The following VWA3A variants were observed in gnomAD, a reference collection of about 807,000 sequenced individuals.
The protein encoded by VWA3A is von Willebrand factor A domain-containing protein 3A.
VWA3A carries 134 observed loss-of-function variants against 160.4 expected under a neutral mutation model. The ratio of observed to expected loss-of-function variants is 0.84; its 90% CI spans 0.73 to 0.96. The LOEUF (loss-of-function observed/expected upper bound fraction) is 0.96, where lower values mean the gene tolerates loss of function less well. VWA3A is among the 40% of genes least tolerant of loss of function. The probability of loss-of-function intolerance (pLI) is 0.00; values close to 1 mark genes in which losing one functional copy is unlikely to be tolerated. For missense variants in VWA3A, 1,310 were observed against 1,447.9 expected, an observed-to-expected ratio of 0.90 and a Z score of 1.55; for synonymous variants, 476 against 543.4, an observed-to-expected ratio of 0.88 and a Z score of 1.72.
At chr16:22,117,690 C>T (rs550061097) in intron 11 of VWA3A, among the ~76,000 whole-genome samples, 11 of 152,326 alleles carry the variant, frequency 7.2e-5, no homozygotes, top group African/African-American at 1.7e-4. Context: ...AGGGAGGCAA[C>T]GATTAGCAAA....
chr16:22,149,726 G>C, intron 28 of VWA3A, 61 bp from the exon 29 acceptor site: 2 of 1,531,020 alleles, frequency 1.3e-6, no homozygotes, highest in Non-Finnish European at 1.8e-6. Context: ...AGACAGGCCT[G>C]TTCTAACCAA....
chr16:22,103,537 G>A lies in VWA3A; in HGVS notation c.483+8G>A, dbSNP rs2045439871. 2 of 1,551,588 alleles carry A rather than the reference G, an allele frequency of 1.3e-6. No homozygotes were observed. The highest frequency in any genetic ancestry group is 4.9e-5 in the East Asian group (2 of 40,918). Reference sequence around the variant, plus strand: ...ACAGAAAACAGCAAGAAGGTAACGGGCATAGATTTCATTCTTTGCCCCCTT... The same window carrying A: ...ACAGAAAACAGCAAGAAGGTAACGGACATAGATTTCATTCTTTGCCCCCTT... On this transcript the variant is annotated splice_region_variant and intron_variant, in intron 6 of 33. Transcript: ENST00000389398.
chr16:22,141,439 AC>A lies in VWA3A; in HGVS notation c.2384-142del, dbSNP rs2141995126. The A allele has an allele frequency of 1.1e-5, 8 of 710,404 alleles. No homozygotes were observed. In the South Asian group the frequency reaches 1.4e-4, roughly 12 times the overall value. 44.0% of individuals were successfully genotyped at this position (710,404 alleles called of 1,614,324 possible). On this transcript the variant is annotated intron_variant, in intron 23 of 33. Transcript: ENST00000389398. ...AAAGCCAGAGACCTGGCGGGGGAGGACACAGGGTGCCTTGAAGCCATCTTGG... is the reference window on the plus strand; with the variant it reads ...AAAGCCAGAGACCTGGCGGGGGAGGAACAGGGTGCCTTGAAGCCATCTTGG...
chr16:22,126,144 C>T (rs772899138), intron 16 of VWA3A, 34 bp from the exon 17 acceptor site: 28 of 1,610,884 alleles, frequency 1.7e-5, no homozygotes, highest in African/African-American at 8.0e-5. Context: ...CTCAGAGATT[C>T]GGTTCTCCTC....
At position 22,121,089 on chromosome 16, in the gene VWA3A, T is replaced by A; in HGVS notation, c.1238T>A (p.Val413Asp). 1.2e-6 allele frequency: 2 copies of A among 1,613,794 alleles called. No homozygotes were observed. The highest frequency in any genetic ancestry group is 1.7e-5 in the Admixed American group (1 of 60,012). Residue 413 changes from valine to aspartate, a missense_variant, in exon 13 of 34, where the codon GTC (valine) becomes GAC (aspartate). By Grantham distance (152) the Val-to-Asp change is radical (BLOSUM62 -3). Coordinates refer to ENST00000389398, the MANE Select transcript of VWA3A (RefSeq NM_173615.5). ...LDKTSAEWLK[V>D]NGLKAKKLSL... is the part of the protein sequence containing the mutation. The stretch of plus-strand genomic sequence containing the variant: ...AAGACTTCTGCAGAGTGGCTTAAGG[T>A]CAATGGTCTGAAAGGTAAATCTCCA...
chr16:22,126,417 C>T lies in VWA3A; in HGVS notation c.1652+120C>T, dbSNP rs573881870. The T allele has an allele frequency of 2.8e-5, 38 of 1,367,446 alleles. No individual in the cohort carries two copies. In the African/African-American group the frequency reaches 5.0e-4, roughly 18 times the overall value. 84.7% of individuals were successfully genotyped at this position (1,367,446 alleles called of 1,614,324 possible). ...ATTGACGTCATGGTCACCCGGCTTC[C>T]TAGGATAGCCATCGGTTTATCTGAT... is the stretch of plus-strand genomic sequence containing the variant. On this transcript the variant is annotated intron_variant, in intron 17 of 33. Coordinates refer to ENST00000389398, the MANE Select transcript of VWA3A (RefSeq NM_173615.5).
chr16:22,154,874 A>G (rs1468061796), intron 31 of VWA3A, among the ~76,000 whole-genome samples: 2 of 144,014 alleles, frequency 1.4e-5, no homozygotes, highest in African/African-American at 5.0e-5. Flanking sequence ...GAATGGCGTG[A>G]ACCCGGGAAG....
In VWA3A at chr16:22,097,538, T is replaced by G. The variant is rs764593472; in HGVS notation, c.102-34T>G. Reference sequence around the variant, plus strand: ...GGGGTATCAAACCTATGCCCAGTGCTGGGGCATTGATCAAATTACTTTATG... The same window carrying G: ...GGGGTATCAAACCTATGCCCAGTGCGGGGGCATTGATCAAATTACTTTATG... On this transcript the variant is annotated intron_variant, in intron 2 of 33. Coordinates refer to ENST00000389398, the MANE Select transcript of VWA3A (RefSeq NM_173615.5). 3 of 1,549,326 alleles carry G rather than the reference T, an allele frequency of 1.9e-6. No homozygotes were observed. The African/African-American group carries it at 4.1e-5, about 21-fold the overall frequency.
At chr16:22,150,671 G>T in intron 29 of VWA3A, 24 bp from the exon 30 acceptor site, 1 of 1,593,810 alleles carries the variant, frequency 6.3e-7, no homozygotes, top group South Asian at 1.1e-5. Flanking sequence ...CCCTGAGCCT[G>T]ACAGCCTTCC....
At chr16:22,106,610 T>C (rs1733698924) in intron 6 of VWA3A, among the ~76,000 whole-genome samples, 1 of 151,870 alleles carries the variant, frequency 6.6e-6, no homozygotes, top group African/African-American at 2.4e-5. Context: ...CAGAGTGAGC[T>C]ATGTGGAGAA....
intron 27 of VWA3A, chr16:22,147,527 G>A (rs2046275063): frequency 1.4e-6 from 1 of 701,686 alleles, no homozygotes; most frequent in Non-Finnish European, 2.6e-6. Context: ...GATCCTACAG[G>A]TGGCTTTGTA....
chr16:22,140,089 G>T, intron 22 of VWA3A, 65 bp from the exon 23 acceptor site: 7 of 1,516,744 alleles, frequency 4.6e-6, no homozygotes, highest in Non-Finnish European at 6.3e-6. Context: ...TTGAGGTCAG[G>T]GTAACTGGGA....
At position 22,133,087 on chromosome 16, in the gene VWA3A, G is replaced by C; in HGVS notation, c.2060G>C (p.Gly687Ala). 6.2e-7 allele frequency: 1 copy of C among 1,612,216 alleles called. No homozygotes were observed. The highest frequency in any genetic ancestry group is 1.3e-5 in the African/African-American group (1 of 75,010). ...RAAGGRFHWFGDTGIYESDDI... is the reference protein window; with the variant it reads ...RAAGGRFHWFADTGIYESDDI... ...GCAGGTGGCCGCTTCCACTGGTTTG[G>C]AGACACAGGTACATGACTGTTTCCT... The change falls in exon 20 of 34, where the codon GGA becomes GCA. Residue 687 changes from glycine to alanine, a missense_variant. Transcript: ENST00000389398.
rs113900925 is a variant in VWA3A at position 22,141,052 on chromosome 16, A to G, written c.2384-530A>G. ...ATAATGATCAATCCTTTGCATCTGT[A>G]TTCTATCAGCTTCCTATTGTACTGA... On this transcript the variant is annotated intron_variant, in intron 23 of 33. Coordinates refer to ENST00000389398, the MANE Select transcript of VWA3A (RefSeq NM_173615.5). Among the ~76,000 whole-genome samples the G allele has an allele frequency of 1.3e-3, 194 of 152,308 alleles. 1 individual carries two copies. The highest frequency in any genetic ancestry group is 4.4e-3 in the African/African-American group (183 of 41,572).
At chr16:22,120,242 C>T (rs2045709559) in intron 12 of VWA3A, among the ~76,000 whole-genome samples, 1 of 152,024 alleles carries the variant, frequency 6.6e-6, no homozygotes, top group African/African-American at 2.4e-5. Context: ...AAAACCTTGC[C>T]AAGAGTTTCC....
chr16:22,096,827 A>T, intron 1 of VWA3A, 32 bp from the exon 2 acceptor site: 2 of 1,366,998 alleles, frequency 1.5e-6, no homozygotes, highest in South Asian at 1.3e-5. Flanking sequence ...TGCCACATTT[A>T]TCCTGTTTTC....
rs769798314 is a variant in VWA3A, at chr16:22,131,606, T to G, written c.1749T>G (p.Cys583Trp). The G allele has an allele frequency of 9.3e-6, 15 of 1,613,464 alleles. No individual in the cohort carries two copies. The highest frequency in any genetic ancestry group is 1.1e-5 in the Non-Finnish European group (13 of 1,179,714). ...SAWRWALNLR[C>W]RGSRNVLSAL... ...GCAGGTGGGCCCTGAACCTGCGGTG[T>G]CGGGGCAGCAGGAACGTTCTCAGCG... is the stretch of plus-strand genomic sequence containing the variant. Residue 583 changes from cysteine to tryptophan, a missense_variant, in exon 19 of 34, where the codon TGT becomes TGG. Physicochemically the swap from Cys to Trp is radical, Grantham distance 215 (BLOSUM62 -2). Transcript: ENST00000389398.
At position 22,141,572 on chromosome 16, in the gene VWA3A, T is replaced by C; in HGVS notation, c.2384-10T>C. On this transcript the variant is annotated splice_polypyrimidine_tract_variant and intron_variant, in intron 23 of 33. Transcript: ENST00000389398. ...CAGCTGCTCCAGCCAACAAGCCAAATGTTCCTCAGCTGCGGCCCAGCCAAC... is the reference window on the plus strand; with the variant it reads ...CAGCTGCTCCAGCCAACAAGCCAAACGTTCCTCAGCTGCGGCCCAGCCAAC... 1 of 1,603,334 alleles carries C rather than the reference T, an allele frequency of 6.2e-7. No homozygotes were observed. Among genetic ancestry groups the C allele is most frequent in the Non-Finnish European group, 8.5e-7 (1 of 1,175,092 alleles).
chr16:22,109,678 G>C, intron 7 of VWA3A, 98 bp downstream of exon 7: 1 of 977,008 alleles, frequency 1.0e-6, no homozygotes, highest in Non-Finnish European at 1.6e-6. Context: ...GCAAATGCAA[G>C]ATAGGGTGTC....
Sources: allele counts gnomAD v4.1 joint callset (sites outside exome capture counted in the v4.1 genomes callset), GRCh38; gene constraint gnomAD v4.1.1; transcripts MANE v1.5; gene names NCBI Gene and HGNC (gene_info 2026-07-23, HGNC 2026-07-21).